Variants in CCNY observed in about 807,000 individuals in gnomAD.
The protein encoded by CCNY is cyclin-Y.
Under a neutral mutation model 42.8 loss-of-function variants are expected in CCNY, and 19 were observed. The ratio of observed to expected loss-of-function variants is 0.44; its 90% CI spans 0.31 to 0.65. The LOEUF (loss-of-function observed/expected upper bound fraction) is 0.65, where lower values mean the gene tolerates loss of function less well. Among genes scored for constraint, CCNY ranks in the 30% least tolerant of loss-of-function variants. CCNY has a pLI of 0.07. For synonymous variants in CCNY, 165 were observed against 162.7 expected (o/e 1.01, Z -0.11); for missense variants, 370 against 437.3 (o/e 0.85, Z 1.37).
intron 7 of CCNY, among the ~76,000 whole-genome samples, chr10:35,544,327 T>C (rs1245001402): frequency 6.6e-6 from 1 of 152,208 alleles, no homozygotes; most frequent in Non-Finnish European, 1.5e-5. Flanking sequence ...TGTTTAGATA[T>C]ATTTAGATAC....
At chr10:35,411,767 T>G (rs933134128) in intron 1 of CCNY, among the ~76,000 whole-genome samples, 1 of 152,198 alleles carries the variant, frequency 6.6e-6, no homozygotes, top group Non-Finnish European at 1.5e-5. Context: ...TCTTCCATGG[T>G]CAGGCCATAT....
At chr10:35,566,295 A>G (rs1841570963) in intron 9 of CCNY, 110 bp downstream of exon 9, 5 of 1,110,626 alleles carry the variant, frequency 4.5e-6, no homozygotes, top group Non-Finnish European at 6.4e-6. Context: ...ATGATGTAAA[A>G]TAAAGATGAG....
chr10:35,521,468 C>A (rs1840544960), intron 4 of CCNY, among the ~76,000 whole-genome samples: 1 of 152,156 alleles, frequency 6.6e-6, no homozygotes, highest in Non-Finnish European at 1.5e-5. Context: ...ATCTGGTTAG[C>A]CACTCTGGGC....
At position 35,569,593 on chromosome 10, in the gene CCNY, T is replaced by G; in HGVS notation, c.*423T>G. The G allele has an allele frequency of 5.5e-6, 1 of 182,430 alleles. No homozygotes were observed. Among genetic ancestry groups the G allele is most frequent in the Non-Finnish European group, 1.2e-5 (1 of 85,700 alleles). The allele number at this position is 182,430 out of a possible 1,614,324, so 11.3% of individuals were successfully genotyped here. A position where few individuals can be genotyped will look rare whatever the true frequency, so the allele number is the denominator to read the frequency against. ...AGTGTGTCCTGTAAGACTTCTTGCA[T>G]TCCTTCTGCTGCTTTTTTGGGATGG... is the stretch of plus-strand genomic sequence containing the variant. On this transcript the variant is annotated 3_prime_UTR_variant, in exon 10 of 10. Transcript: ENST00000374704.
At chr10:35,448,503 C>A (rs1838841472) in intron 1 of CCNY, among the ~76,000 whole-genome samples, 1 of 152,090 alleles carries the variant, frequency 6.6e-6, no homozygotes, top group African/African-American at 2.4e-5. Flanking sequence ...GTGTAAAATT[C>A]TTAAAATGGT....
upstream of CCNY, among the ~76,000 whole-genome samples, chr10:35,333,494 A>C (rs1835969896): frequency 1.3e-5 from 2 of 152,198 alleles, no homozygotes; most frequent in South Asian, 4.1e-4. Context: ...AGAGAAGGAG[A>C]GAAGTGACAC....
At chr10:35,330,629 A>C (rs573738598) in intron 3 of CCNY, among the ~76,000 whole-genome samples, 11 of 152,376 alleles carry the variant, frequency 7.2e-5, no homozygotes, top group Middle Eastern at 3.4e-3. Context: ...CATGTAAAAG[A>C]AGCTTACACA....
rs549242250 is a variant in CCNY at position 35,471,234 on chromosome 10, G to C, written c.155-12170G>C. Among the ~76,000 whole-genome samples the C allele has an allele frequency of 2.0e-5, 3 of 152,262 alleles. No homozygotes were observed. In the East Asian group the frequency reaches 5.8e-4, roughly 29 times the overall value. The stretch of plus-strand genomic sequence containing the variant: ...GTGATTATCAGTTTGGGGCGTGGCA[G>C]TGCAGAGAAAGGGGGATGCGAGGGG... On this transcript the variant is annotated intron_variant, in intron 1 of 9. Coordinates refer to ENST00000374704, the MANE Select transcript of CCNY (RefSeq NM_145012.6).
intron 3 of CCNY, among the ~76,000 whole-genome samples, chr10:35,280,014 C>G (rs1025814899): frequency 1.3e-5 from 2 of 152,184 alleles, no homozygotes; most frequent in African/African-American, 4.8e-5. Flanking sequence ...TTGTCTCCAT[C>G]ATTTCATAAA....
chr10:35,297,531 A>C (rs546166590), intron 3 of CCNY, among the ~76,000 whole-genome samples: 1 of 152,336 alleles, frequency 6.6e-6, no homozygotes, highest in South Asian at 2.1e-4. Flanking sequence ...AGGCATCCAA[A>C]TAGGAAGAGA....
chr10:35,366,118 AG>A (rs1458887698), intron 1 of CCNY, among the ~76,000 whole-genome samples: 1 of 152,266 alleles, frequency 6.6e-6, no homozygotes, highest in Non-Finnish European at 1.5e-5. Context: ...AATACACGAC[AG>A]ATACCAATTT....
intron 1 of CCNY, among the ~76,000 whole-genome samples, chr10:35,445,732 G>T (rs1462188100): frequency 1.3e-5 from 2 of 152,146 alleles, no homozygotes; most frequent in Non-Finnish European, 2.9e-5. Flanking sequence ...GTAGGAAGTA[G>T]TTCATATCTT....
At chr10:35,443,092 A>G (rs997613675) in intron 1 of CCNY, among the ~76,000 whole-genome samples, 2 of 152,220 alleles carry the variant, frequency 1.3e-5, no homozygotes, top group Admixed American at 6.5e-5. Flanking sequence ...ATGCCTGTTT[A>G]CCATCTCCAT....
At chr10:35,252,899 T>C (rs1350288695) in intron 3 of CCNY, among the ~76,000 whole-genome samples, 3 of 152,218 alleles carry the variant, frequency 2.0e-5, no homozygotes, top group Non-Finnish European at 1.5e-5. Flanking sequence ...CCATTCAGAA[T>C]TGTAGTGGTC....
intron 1 of CCNY, among the ~76,000 whole-genome samples, chr10:35,483,060 G>A (rs559469034): frequency 2.0e-5 from 3 of 152,078 alleles, no homozygotes; most frequent in East Asian, 3.9e-4. Flanking sequence ...GTAATGTTTC[G>A]ATGAATCTGT....
chr10:35,505,209 T>A (rs1840191304), intron 3 of CCNY, among the ~76,000 whole-genome samples: 1 of 151,918 alleles, frequency 6.6e-6, no homozygotes, highest in South Asian at 2.1e-4. Context: ...GCCTCACTTT[T>A]CTATGATTAT....
intron 3 of CCNY, among the ~76,000 whole-genome samples, chr10:35,281,535 C>A (rs1208893754): frequency 6.6e-6 from 1 of 152,008 alleles, no homozygotes; most frequent in Non-Finnish European, 1.5e-5. Flanking sequence ...AACTCCTGAC[C>A]TCATGATCCA....
At chr10:35,280,547 G>A (rs1272267497) in intron 3 of CCNY, among the ~76,000 whole-genome samples, 1 of 152,098 alleles carries the variant, frequency 6.6e-6, no homozygotes, top group Non-Finnish European at 1.5e-5. Context: ...CAACTGAATA[G>A]CCACATGCAA....
chr10:35,471,989 T>C (rs1337927828), intron 1 of CCNY, among the ~76,000 whole-genome samples: 1 of 152,266 alleles, frequency 6.6e-6, no homozygotes, highest in Non-Finnish European at 1.5e-5. Context: ...CAGCACTCCT[T>C]AGAGAACAGA....
Sources: gnomAD v4.1 joint callset for allele counts (sites outside exome capture counted in the v4.1 genomes callset) on GRCh38, gnomAD v4.1.1 for gene constraint, MANE v1.5 for transcripts, NCBI Gene and HGNC (gene_info 2026-07-23, HGNC 2026-07-21) for gene names.